SLC27A2: variants seen among roughly 807,000 people sequenced by gnomAD.
The protein encoded by SLC27A2 is long-chain fatty acid transport protein 2.
Under a neutral mutation model 60.0 loss-of-function variants are expected in SLC27A2, and 54 were observed. The ratio of observed to expected loss-of-function variants is 0.90; its 90% confidence interval spans 0.72 to 1.13. The LOEUF is 1.13. SLC27A2 is among the 50% of genes most tolerant of loss of function. The pLI is 0.00. For missense variants in SLC27A2, 739 were observed against 777.6 expected, an observed-to-expected ratio of 0.95 and a Z score of 0.59; for synonymous variants, 297 against 297.6, an observed-to-expected ratio of 1.00 and a Z score of 0.02.
intron 1 of SLC27A2, among the ~76,000 whole-genome samples, chr15:50,189,514 A>G (rs75904651): frequency 0.096 from 14,687 of 152,284 alleles, 896 homozygotes; most frequent in African/African-American, 0.17. Context: ...GATATTCTCT[A>G]AGATTTTTCT....
chr15:50,199,386 A>G (rs2045047339), intron 2 of SLC27A2, among the ~76,000 whole-genome samples: 1 of 151,300 alleles, frequency 6.6e-6, no homozygotes, highest in African/African-American at 2.4e-5. Flanking sequence ...AAGCAGGAGA[A>G]TGGCATGCAT....
At chr15:50,217,430 G>A (rs187810718) in intron 4 of SLC27A2, among the ~76,000 whole-genome samples, 26 of 152,168 alleles carry the variant, frequency 1.7e-4, no homozygotes, top group African/African-American at 6.0e-4. Flanking sequence ...AAGTATCTAC[G>A]TACTAACCAG....
rs753058137 is a variant in SLC27A2 at position 50,233,892 on chromosome 15, C to G, written c.1580C>G (p.Ala527Gly). The change falls in exon 9 of 10, where the codon GCC becomes GGC. Residue 527 changes from alanine to glycine, a missense_variant. Physicochemically the swap from Ala to Gly is moderately conservative, Grantham distance 60. Coordinates refer to ENST00000267842, the MANE Select transcript of SLC27A2 (RefSeq NM_003645.4). The stretch of plus-strand genomic sequence containing the variant: ...GATCATGAGGGTCGCATTGGCATGG[C>G]CTCCATCAAAATGAAAGAAAACCAT... The part of the protein sequence containing the change: ...VPDHEGRIGM[A>G]SIKMKENHEF... 3 of 1,613,816 alleles carry G rather than the reference C, an allele frequency of 1.9e-6. No individual in the cohort carries two copies. In the East Asian group the frequency reaches 6.7e-5, roughly 36 times the overall value.
intron 1 of SLC27A2, among the ~76,000 whole-genome samples, chr15:50,195,464 C>T (rs986976908): frequency 6.6e-6 from 1 of 151,990 alleles, no homozygotes; most frequent in African/African-American, 2.4e-5. Context: ...GCACTCCAGC[C>T]TGGGTGACAA....
intron 5 of SLC27A2, among the ~76,000 whole-genome samples, chr15:50,223,728 C>T (rs1222725514): frequency 6.6e-6 from 1 of 152,188 alleles, no homozygotes; most frequent in African/African-American, 2.4e-5. Context: ...TTTTATTGCT[C>T]ATGGGTCTCT....
At chr15:50,231,235 C>T (rs529151194) in intron 8 of SLC27A2, among the ~76,000 whole-genome samples, 12 of 151,256 alleles carry the variant, frequency 7.9e-5, no homozygotes, top group South Asian at 2.1e-4. Flanking sequence ...ACCTCTGCCT[C>T]CCATGTTCAA....
chr15:50,206,392 A>G (rs1017970989), intron 4 of SLC27A2, among the ~76,000 whole-genome samples: 1 of 152,160 alleles, frequency 6.6e-6, no homozygotes, highest in Non-Finnish European at 1.5e-5. Context: ...TTTAAACTCA[A>G]AGGATCACTA....
Position 50,233,935 on chromosome 15 carries a change from A to G in SLC27A2, c.1623A>G (p.Lys541=), listed in dbSNP as rs79271023. ...AAAACCATGAATTTGATGGAAAGAA[A>G]CTCTTTCAGCACATTGCTGATTACC... ...MKENHEFDGK[K]LFQHIADYLP... Residue 541 remains lysine (K), a synonymous_variant, in exon 9 of 10, where the codon AAA becomes AAG. Transcript: ENST00000267842. The G allele has an allele frequency of 1.2e-4, 190 of 1,613,648 alleles. No homozygotes were observed. Among genetic ancestry groups the G allele is most frequent in the East Asian group, 6.7e-5 (3 of 44,884 alleles).
chr15:50,186,476 G>A (rs2044924322), intron 1 of SLC27A2, among the ~76,000 whole-genome samples: 1 of 151,950 alleles, frequency 6.6e-6, no homozygotes. Context: ...TCGCTCTGTT[G>A]CCCAGGCTGG....
chr15:50,192,540 C>A (rs1204831154), intron 1 of SLC27A2, among the ~76,000 whole-genome samples: 1 of 151,718 alleles, frequency 6.6e-6, no homozygotes, highest in African/African-American at 2.4e-5. Flanking sequence ...GTACATTTTT[C>A]TTTTTTTTTA....
intron 4 of SLC27A2, among the ~76,000 whole-genome samples, chr15:50,213,981 T>A (rs1328432441): frequency 7.0e-6 from 1 of 143,676 alleles, no homozygotes; most frequent in African/African-American, 2.6e-5. Flanking sequence ...CTAAATGAAA[T>A]TGAAACAAAC....
chr15:50,210,793 G>A (rs945234030), intron 4 of SLC27A2, among the ~76,000 whole-genome samples: 1 of 152,206 alleles, frequency 6.6e-6, no homozygotes, highest in Non-Finnish European at 1.5e-5. Flanking sequence ...GGGCCGTTGA[G>A]GGGGCACGGT....
intron 9 of SLC27A2, among the ~76,000 whole-genome samples, chr15:50,235,353 C>A (rs1196139185): frequency 6.6e-6 from 1 of 152,114 alleles, no homozygotes; most frequent in Non-Finnish European, 1.5e-5. Context: ...TGTAAATGAT[C>A]CCTCCTTCTA....
intron 4 of SLC27A2, among the ~76,000 whole-genome samples, chr15:50,221,548 T>C (rs919631342): frequency 6.6e-6 from 1 of 152,240 alleles, no homozygotes; most frequent in African/African-American, 2.4e-5. Flanking sequence ...GTGTGGTTTT[T>C]AATTGCCATG....
At position 50,182,316 on chromosome 15, in the gene SLC27A2, C is replaced by G; in HGVS notation, c.-112C>G. 1.5e-6 allele frequency: 2 copies of G among 1,328,568 alleles called. No individual in the cohort carries two copies. The highest frequency in any genetic ancestry group is 1.9e-6 in the Non-Finnish European group (2 of 1,041,506). 82.3% of individuals were successfully genotyped at this position (1,328,568 alleles called of 1,614,324 possible). On this transcript the variant is annotated 5_prime_UTR_variant, in exon 1 of 10. Transcript: ENST00000267842. ...ATCTCACGCGAGCCCGGCGTCCCGCCGCGTGCGCCCCGGCGCAGCCCGCCA... is the reference window on the plus strand; with the variant it reads ...ATCTCACGCGAGCCCGGCGTCCCGCGGCGTGCGCCCCGGCGCAGCCCGCCA...
intron 4 of SLC27A2, among the ~76,000 whole-genome samples, chr15:50,207,954 A>G (rs76663869): frequency 7.3e-6 from 1 of 137,256 alleles, no homozygotes; most frequent in Non-Finnish European, 1.6e-5. Flanking sequence ...AGACTTTGCA[A>G]AAAAAAAAAA....
At chr15:50,226,786 T>A (rs1406979685) in intron 6 of SLC27A2, among the ~76,000 whole-genome samples, 194 bp from the exon 7 acceptor site, 1 of 152,150 alleles carries the variant, frequency 6.6e-6, no homozygotes, top group African/African-American at 2.4e-5. Flanking sequence ...ATGTACAGTA[T>A]ATGTGTGTGT....
chr15:50,189,144 C>T (rs1391399445), intron 1 of SLC27A2, among the ~76,000 whole-genome samples: 2 of 152,130 alleles, frequency 1.3e-5, no homozygotes, highest in Admixed American at 1.3e-4. Flanking sequence ...AGCTTAAGGA[C>T]CACTGGGTTG....
chr15:50,188,934 G>A (rs1017667170), intron 1 of SLC27A2, among the ~76,000 whole-genome samples: 15 of 151,938 alleles, frequency 9.9e-5, no homozygotes, highest in African/African-American at 2.9e-4. Flanking sequence ...CATTCCAGCC[G>A]GGATGACAGA....
Sources: allele counts gnomAD v4.1 joint callset (sites outside exome capture counted in the v4.1 genomes callset), GRCh38; gene constraint gnomAD v4.1.1; transcripts MANE v1.5; gene names NCBI Gene and HGNC (gene_info 2026-07-23, HGNC 2026-07-21).